Variants in FAM169A observed in about 807,000 individuals in gnomAD.
FAM169A encodes soluble lamin-associated protein of 75 kDa.
Under a neutral mutation model 75.7 loss-of-function variants are expected in FAM169A, and 24 were observed. That is an observed-to-expected ratio of 0.32 (90% CI 0.23 to 0.45). The LOEUF (loss-of-function observed/expected upper bound fraction) is 0.45. FAM169A is among the 20% of genes least tolerant of loss of function. The pLI, the probability that FAM169A is intolerant of heterozygous loss-of-function variation, is 1.00. For synonymous variants in FAM169A, 271 were observed against 271.0 expected (o/e 1.00, Z 0.00); for missense variants, 673 against 784.0 (o/e 0.86, Z 1.69).
chr5:74,864,282 G>A (rs1173388330), intron 1 of FAM169A, among the ~76,000 whole-genome samples: 2 of 152,252 alleles, frequency 1.3e-5, no homozygotes, highest in Non-Finnish European at 2.9e-5. Context: ...CCAGGCTGGA[G>A]TGCAAGGGCA....
intron 1 of FAM169A, 41 bp downstream of exon 1, chr5:74,866,124 C>G (rs1750328666): frequency 1.1e-6 from 1 of 945,370 alleles, no homozygotes; most frequent in African/African-American, 1.8e-5. Flanking sequence ...CCGTCTCGGC[C>G]TCACCCAGCG....
At position 74,866,298 on chromosome 5, in the gene FAM169A, A is replaced by T. The variant is rs1750341638; in HGVS notation, c.-137T>A. On this transcript the variant is annotated 5_prime_UTR_variant, in exon 1 of 13. Coordinates refer to ENST00000687041, the MANE Select transcript of FAM169A (RefSeq NM_001376049.1). ...CGCACAGCTCGCGGCTGCCAGGGCG[A>T]GTGCGGCTGCCTCCCGCTCGCCCCG... 1.0e-6 allele frequency: 1 copy of T among 983,572 alleles called. No homozygotes were observed. Among genetic ancestry groups the T allele is most frequent in the East Asian group, 1.1e-4 (1 of 8,744 alleles). The allele number at this position is 983,572 out of a possible 1,614,324, so 60.9% of individuals were successfully genotyped here.
At chr5:74,853,831 C>T (rs1206876257) in intron 1 of FAM169A, among the ~76,000 whole-genome samples, 3 of 151,058 alleles carry the variant, frequency 2.0e-5, no homozygotes, top group South Asian at 4.2e-4. Context: ...CCTCAGCCTC[C>T]CGAGTAGCTA....
chr5:74,831,686 A>G (rs1055972104), intron 5 of FAM169A, among the ~76,000 whole-genome samples: 5 of 152,110 alleles, frequency 3.3e-5, no homozygotes, highest in South Asian at 2.1e-4. Context: ...AAATTTTCAG[A>G]TTAGAGATAT....
At chr5:74,828,928 T>C (rs1298200035) in intron 5 of FAM169A, among the ~76,000 whole-genome samples, 1 of 152,150 alleles carries the variant, frequency 6.6e-6, no homozygotes, top group Non-Finnish European at 1.5e-5. Flanking sequence ...CCACTAGCAA[T>C]ATAAACTCCT....
At chr5:74,864,590 G>C (rs925477202) in intron 1 of FAM169A, among the ~76,000 whole-genome samples, 2 of 152,166 alleles carry the variant, frequency 1.3e-5, no homozygotes, top group Non-Finnish European at 2.9e-5. Context: ...TCAAAGGTCA[G>C]ACTAATTTGA....
Position 74,866,296 on chromosome 5 carries a change from C to G in FAM169A, c.-135G>C, listed in dbSNP as rs569217823. The G allele has an allele frequency of 4.1e-6, 4 of 983,976 alleles. No individual in the cohort carries two copies. The African/African-American group carries it at 7.0e-5, about 17-fold the overall frequency. The allele number at this position is 983,976 out of a possible 1,614,324, so 61.0% of individuals were successfully genotyped here. On this transcript the variant is annotated 5_prime_UTR_variant, in exon 1 of 13. Transcript: ENST00000687041. ...GCCGCACAGCTCGCGGCTGCCAGGG[C>G]GAGTGCGGCTGCCTCCCGCTCGCCC...
intron 6 of FAM169A, among the ~76,000 whole-genome samples, chr5:74,810,464 T>C (rs962567933): frequency 3.9e-5 from 6 of 152,070 alleles, no homozygotes; most frequent in Non-Finnish European, 2.9e-5. Context: ...GTACGGTACA[T>C]GTAGGCTGGG....
At chr5:74,866,709 G>A (rs1460114804), upstream of FAM169A, 2 of 975,168 alleles carry the variant, frequency 2.1e-6, no homozygotes, top group Non-Finnish European at 2.4e-6. Flanking sequence ...GTTAAGCCGC[G>A]GGGGCTGCAA....
chr5:74,841,213 T>C (rs1315595811), intron 2 of FAM169A, among the ~76,000 whole-genome samples: 2 of 152,222 alleles, frequency 1.3e-5, no homozygotes, highest in African/African-American at 2.4e-5. Flanking sequence ...ATTTAGTGTT[T>C]TGCTGATTTT....
chr5:74,865,654 T>C (rs1750283569), intron 1 of FAM169A: 1 of 152,296 alleles, frequency 6.6e-6, no homozygotes, highest in African/African-American at 2.4e-5. Context: ...CAATATCTGT[T>C]CCAAAAGTAG....
chr5:74,860,348 C>T (rs935914858), intron 1 of FAM169A, among the ~76,000 whole-genome samples: 4 of 152,224 alleles, frequency 2.6e-5, no homozygotes, highest in Admixed American at 1.3e-4. Flanking sequence ...TCTTTCATTA[C>T]ATAACAATAA....
chr5:74,861,475 G>A (rs1281064773), intron 1 of FAM169A, among the ~76,000 whole-genome samples: 5 of 152,146 alleles, frequency 3.3e-5, no homozygotes, highest in African/African-American at 1.2e-4. Context: ...GTGGCTCCCA[G>A]CACTTTGGGA....
intron 12 of FAM169A, 150 bp from the exon 13 acceptor site, chr5:74,782,158 A>AT: frequency 1.6e-6 from 1 of 616,432 alleles, no homozygotes; most frequent in Non-Finnish European, 2.8e-6. Flanking sequence ...CTGTTCTGCT[A>AT]TATGTGTATA....
intron 5 of FAM169A, among the ~76,000 whole-genome samples, chr5:74,831,787 GC>G: frequency 6.6e-6 from 1 of 152,074 alleles, no homozygotes; most frequent in Non-Finnish European, 1.5e-5. Context: ...AAATCATTTT[GC>G]TTTGTTCTGC....
At chr5:74,804,934 T>C (rs1746786875) in intron 7 of FAM169A, among the ~76,000 whole-genome samples, 1 of 152,184 alleles carries the variant, frequency 6.6e-6, no homozygotes, top group Non-Finnish European at 1.5e-5. Flanking sequence ...GTTCTAGGTC[T>C]CCTTGTTACT....
Position 74,779,897 on chromosome 5 carries a change from T to TA in FAM169A, c.*1562dup, listed in dbSNP as rs1165083041. 2 of 152,210 alleles carry TA rather than the reference T, an allele frequency of 1.3e-5. No homozygotes were observed. Among genetic ancestry groups the TA allele is most frequent in the Admixed American group, 6.5e-5 (1 of 15,282 alleles). 9.4% of individuals were successfully genotyped at this position (152,210 alleles called of 1,614,324 possible). On this transcript the variant is annotated 3_prime_UTR_variant, in exon 13 of 13. Coordinates refer to ENST00000687041, the MANE Select transcript of FAM169A (RefSeq NM_001376049.1). ...TGAATACACTTTCAACATCAGTCCT[T>TA]AGCTACCTCAAATAATGACACAAAG...
intron 5 of FAM169A, among the ~76,000 whole-genome samples, chr5:74,822,526 G>C (rs2197685): frequency 6.6e-6 from 1 of 152,088 alleles, no homozygotes; most frequent in Non-Finnish European, 1.5e-5. Flanking sequence ...TCACATCTCA[G>C]GAGACACTAC....
At position 74,804,494 on chromosome 5, in the gene FAM169A, G is replaced by A. The variant is rs1746757643; in HGVS notation, c.911C>T (p.Thr304Ile). Residue 304 changes from threonine to isoleucine, a missense_variant and splice_region_variant, in exon 8 of 13, where the codon ACT (threonine) becomes ATT (isoleucine). Thr to Ile is a moderately conservative substitution (Grantham distance 89). Around this residue, in one of 3 missense-constraint regions of FAM169A, gnomAD observed 510 missense variants for 550.9 expected, o/e 0.93. Transcript: ENST00000687041. ...TAAACATATAGACAGTGTACCTACA[G>A]TTAGCTGCATCTCACTAGACTGATT... ...EDNQSSEMQL[T>I]IDSLKDAFAS... is the part of the protein sequence containing the mutation. 2.6e-6 allele frequency: 4 copies of A among 1,552,720 alleles called. No individual in the cohort carries two copies. The highest frequency in any genetic ancestry group is 3.5e-6 in the Non-Finnish European group (4 of 1,132,426).
Sources: allele counts gnomAD v4.1 joint callset (sites outside exome capture counted in the v4.1 genomes callset), GRCh38; gene constraint gnomAD v4.1.1; regional missense constraint gnomAD v4.1.1; transcripts MANE v1.5; gene names NCBI Gene and HGNC (gene_info 2026-07-23, HGNC 2026-07-21).